PDE4D: variants seen among roughly 807,000 people sequenced by gnomAD.
The protein encoded by PDE4D is phosphodiesterase 4D.
Under a neutral mutation model 87.4 loss-of-function variants are expected in PDE4D, and 24 were observed. That is an observed-to-expected ratio of 0.27 (90% CI 0.20 to 0.39). The LOEUF (loss-of-function observed/expected upper bound fraction) is 0.39. Among genes scored for constraint, PDE4D ranks in the 10% least tolerant of loss-of-function variants. The pLI is 1.00. For synonymous variants in PDE4D, 384 were observed against 383.2 expected, an observed-to-expected ratio of 1.00 and a Z score of -0.02; for missense variants, 714 against 1,041.0, an observed-to-expected ratio of 0.69 and a Z score of 4.32.
At chr5:60,322,459 T>C (rs1047757781) in intron 1 of PDE4D, among the ~76,000 whole-genome samples, 1 of 151,280 alleles carries the variant, frequency 6.6e-6, no homozygotes, top group Non-Finnish European at 1.5e-5. Flanking sequence ...TTTTCACACC[T>C]TTACCTCTCT....
At chr5:60,377,713 C>T (rs1761538000) in intron 1 of PDE4D, among the ~76,000 whole-genome samples, 2 of 152,142 alleles carry the variant, frequency 1.3e-5, no homozygotes, top group Admixed American at 6.5e-5. Context: ...ATATTACTCC[C>T]CGTTAAAGGC....
chr5:59,381,515 T>C (rs2153603062), intron 1 of PDE4D, among the ~76,000 whole-genome samples: 1 of 152,136 alleles, frequency 6.6e-6, no homozygotes, highest in Non-Finnish European at 1.5e-5. Flanking sequence ...AAACATACCG[T>C]TTATAATTAA....
At chr5:59,572,166 A>G (rs1400535056) in intron 1 of PDE4D, among the ~76,000 whole-genome samples, 3 of 152,172 alleles carry the variant, frequency 2.0e-5, no homozygotes, top group African/African-American at 7.2e-5. Flanking sequence ...ATTTGCCTCA[A>G]AAATTCAAGT....
chr5:60,417,687 A>T (rs1742727672), intron 1 of PDE4D, among the ~76,000 whole-genome samples: 1 of 152,158 alleles, frequency 6.6e-6, no homozygotes, highest in Admixed American at 6.5e-5. Context: ...TATAAAGAAG[A>T]ATTTTTTTTA....
Position 59,664,242 on chromosome 5 carries a change from G to A in PDE4D, c.455+228926C>T, listed in dbSNP as rs80227926. 1.4e-4 allele frequency among the ~76,000 whole-genome samples: 21 copies of A among 152,000 alleles called. No homozygotes were observed. In the East Asian group the frequency reaches 3.5e-3, roughly 25 times the overall value. On this transcript the variant is annotated intron_variant, in intron 1 of 14. Coordinates refer to ENST00000340635, the MANE Select transcript of PDE4D (RefSeq NM_001104631.2). ...AGATTAATAAGCTCTGTTTATTGAC[G>A]TTTTTGTGGTAAGAGTGATGTAAAT...
intron 1 of PDE4D, among the ~76,000 whole-genome samples, chr5:59,764,270 A>G (rs1762510483): frequency 6.6e-6 from 1 of 152,196 alleles, no homozygotes; most frequent in African/African-American, 2.4e-5. Context: ...TACATAATAA[A>G]AAAAATACTA....
chr5:59,248,125 A>G (rs570598262), intron 1 of PDE4D, among the ~76,000 whole-genome samples: 133 of 146,482 alleles, frequency 9.1e-4, no homozygotes, highest in African/African-American at 3.2e-3. Context: ...TTCTTGCACT[A>G]TTATGTCAAA....
intron 5 of PDE4D, among the ~76,000 whole-genome samples, chr5:59,096,416 AG>A (rs1208368226): frequency 1.3e-5 from 2 of 152,222 alleles, no homozygotes; most frequent in Non-Finnish European, 2.9e-5. Flanking sequence ...GTTGTTATGA[AG>A]GTCCAGCATT....
intron 1 of PDE4D, among the ~76,000 whole-genome samples, chr5:59,752,028 T>C (rs943655028): frequency 5.9e-5 from 9 of 152,280 alleles, no homozygotes; most frequent in African/African-American, 2.2e-4. Flanking sequence ...TAGTACCAGA[T>C]ACAATGTCTC....
intron 5 of PDE4D, among the ~76,000 whole-genome samples, chr5:59,162,208 ATTCCT>A (rs1458895216): frequency 6.6e-6 from 1 of 152,226 alleles, no homozygotes; most frequent in African/African-American, 2.4e-5. Context: ...TTGGTTGGTG[ATTCCT>A]TTCAAGTCTC....
intron 1 of PDE4D, among the ~76,000 whole-genome samples, chr5:59,392,341 G>A (rs1788396596): frequency 6.6e-6 from 1 of 150,502 alleles, no homozygotes; most frequent in Non-Finnish European, 1.5e-5. Flanking sequence ...TTTCTCCCAT[G>A]CTGGATGCTT....
At chr5:59,896,650 C>T (rs1022222703), upstream of PDE4D, among the ~76,000 whole-genome samples, 2 of 152,210 alleles carry the variant, frequency 1.3e-5, no homozygotes, top group South Asian at 2.1e-4. Context: ...TCAGCAACTA[C>T]TGATCCAGAC....
chr5:60,117,620 G>T (rs184519992), intron 2 of PDE4D, among the ~76,000 whole-genome samples: 1 of 151,976 alleles, frequency 6.6e-6, no homozygotes, highest in African/African-American at 2.4e-5. Flanking sequence ...ACTCTAAAGA[G>T]ACCCTGATCC....
chr5:60,238,361 C>T (rs1283369708), intron 1 of PDE4D, among the ~76,000 whole-genome samples: 1 of 151,830 alleles, frequency 6.6e-6, no homozygotes, highest in Non-Finnish European at 1.5e-5. Flanking sequence ...CAAAATAATG[C>T]TAGAATAAAC....
At chr5:59,845,166 A>G (rs1251511582) in intron 1 of PDE4D, among the ~76,000 whole-genome samples, 2 of 152,054 alleles carry the variant, frequency 1.3e-5, no homozygotes, top group Non-Finnish European at 2.9e-5. Flanking sequence ...GCCTCTTGAG[A>G]CTCTGATACG....
intron 3 of PDE4D, among the ~76,000 whole-genome samples, chr5:59,192,977 AT>A (rs954599856): frequency 5.9e-5 from 9 of 152,174 alleles, no homozygotes; most frequent in African/African-American, 2.2e-4. Context: ...ATTCCCAAAC[AT>A]TTTAGATCAT....
At chr5:59,488,345 A>T (rs1805543095) in intron 1 of PDE4D, among the ~76,000 whole-genome samples, 1 of 152,220 alleles carries the variant, frequency 6.6e-6, no homozygotes, top group African/African-American at 2.4e-5. Context: ...AGCTGAAGCA[A>T]GCCGAGAAAG....
chr5:60,304,990 AAT>A (rs141960833), intron 1 of PDE4D, among the ~76,000 whole-genome samples: 32 of 149,016 alleles, frequency 2.1e-4, no homozygotes, highest in Admixed American at 6.7e-4. Context: ...AAAATTGAGT[AAT>A]ATATATATAT....
chr5:60,410,973 G>A (rs6887545), intron 1 of PDE4D, among the ~76,000 whole-genome samples: 39,249 of 152,058 alleles, frequency 0.26, 7,108 homozygotes, highest in African/African-American at 0.52. Context: ...CCCATTTTAC[G>A]TATGAGAATA....
Sources: allele counts gnomAD v4.1 joint callset (sites outside exome capture counted in the v4.1 genomes callset), GRCh38; gene constraint gnomAD v4.1.1; transcripts MANE v1.5; gene names NCBI Gene and HGNC (gene_info 2026-07-23, HGNC 2026-07-21).